Variants in CFAP47 observed in about 807,000 individuals in gnomAD.
CFAP47 encodes cilia- and flagella-associated protein 47.
A neutral mutation model predicts 148.1 loss-of-function variants in CFAP47; 29 were observed. That is an observed-to-expected ratio of 0.20 (90% CI 0.15 to 0.27). CFAP47 has a LOEUF of 0.27. Among genes scored for constraint, CFAP47 ranks in the 10% least tolerant of loss-of-function variants. The pLI is 1.00. For missense variants in CFAP47, 1,872 were observed against 1,697.5 expected (o/e 1.10, Z -1.81); for synonymous variants, 664 against 577.3 (o/e 1.15, Z -2.15).
chrX:35,982,554 T>C (rs1032721123), intron 15 of CFAP47, among the ~76,000 whole-genome samples: 1 of 111,453 alleles, frequency 9.0e-6, no homozygotes, highest in Non-Finnish European at 1.9e-5. Flanking sequence ...TCCATAATGC[T>C]ATTTCTTAGG....
intron 22 of CFAP47, among the ~76,000 whole-genome samples, chrX:36,015,682 C>T (rs1937088912): frequency 9.0e-6 from 1 of 111,258 alleles, no homozygotes; most frequent in Non-Finnish European, 1.9e-5. Flanking sequence ...GATATGGAGG[C>T]TCAATGAAGT....
At chrX:36,223,961 A>G (rs1228011112) in intron 45 of CFAP47, among the ~76,000 whole-genome samples, 2 of 111,382 alleles carry the variant, frequency 1.8e-5, no homozygotes, top group Admixed American at 1.9e-4. Context: ...TACCCATGTA[A>G]AAATTCAATA....
chrX:35,935,834 C>A (rs775727456), intron 2 of CFAP47, among the ~76,000 whole-genome samples: 3 of 111,264 alleles, frequency 2.7e-5, no homozygotes, highest in Non-Finnish European at 5.7e-5. Flanking sequence ...TGTGACACTT[C>A]CTTCCGGACT....
intron 45 of CFAP47, among the ~76,000 whole-genome samples, chrX:36,211,849 G>T (rs367697476): frequency 1.1e-4 from 12 of 111,311 alleles, no homozygotes; most frequent in African/African-American, 3.9e-4. Flanking sequence ...TGTAAGATTT[G>T]TTTTTTAACT....
chrX:36,172,984 A>G (rs1939606923), intron 39 of CFAP47, among the ~76,000 whole-genome samples: 1 of 110,551 alleles, frequency 9.0e-6, no homozygotes, highest in South Asian at 3.9e-4. Flanking sequence ...AGCTCCTGTT[A>G]TTGGTCTATT....
chrX:36,019,078 C>T (rs1252532324), intron 22 of CFAP47, among the ~76,000 whole-genome samples: 2 of 111,460 alleles, frequency 1.8e-5, no homozygotes, highest in Admixed American at 9.5e-5. Context: ...GCTCCTCACA[C>T]GGGGGCACCA....
chrX:36,346,505 T>C (rs1298740888), intron 57 of CFAP47, among the ~76,000 whole-genome samples: 1 of 111,949 alleles, frequency 8.9e-6, no homozygotes, highest in East Asian at 2.8e-4. Flanking sequence ...CAGATAAGCT[T>C]TGGCTTTCCT....
chrX:36,175,104 G>C (rs1460538000), intron 39 of CFAP47, among the ~76,000 whole-genome samples: 4 of 111,513 alleles, frequency 3.6e-5, no homozygotes, highest in African/African-American at 1.3e-4. Context: ...GGCTCCTGAG[G>C]CTTCTGCATT....
intron 60 of CFAP47, among the ~76,000 whole-genome samples, chrX:36,357,599 T>C (rs1249155205): frequency 8.9e-6 from 1 of 112,337 alleles, no homozygotes; most frequent in East Asian, 2.8e-4. Flanking sequence ...GATAAATCTA[T>C]GCACCTGTAC....
intron 20 of CFAP47, 130 bp from the exon 21 acceptor site, chrX:36,001,483 C>T (rs996013848): frequency 7.3e-5 from 19 of 259,436 alleles, no homozygotes; most frequent in Non-Finnish European, 1.3e-4. Context: ...GTATAGATAT[C>T]AATTTTGCTA....
intron 48 of CFAP47, among the ~76,000 whole-genome samples, chrX:36,241,146 C>G (rs1555995948): frequency 8.9e-6 from 1 of 111,836 alleles, no homozygotes; most frequent in Non-Finnish European, 1.9e-5. Context: ...AACTAAGGTA[C>G]AGCTTATTCT....
intron 50 of CFAP47, among the ~76,000 whole-genome samples, chrX:36,283,568 A>T (rs934204781): frequency 6.3e-5 from 7 of 111,655 alleles, no homozygotes; most frequent in Non-Finnish European, 1.1e-4. Context: ...GAATCCATGG[A>T]CTCTGAATAA....
At chrX:36,229,387 A>T (rs1940310660) in intron 46 of CFAP47, among the ~76,000 whole-genome samples, 1 of 111,679 alleles carries the variant, frequency 9.0e-6, no homozygotes, top group Admixed American at 9.5e-5. Flanking sequence ...TGTGAGCAAC[A>T]TACCAGGTAG....
At position 36,197,330 on chromosome X, in the gene CFAP47, T is replaced by A. The variant is rs1288014369; in HGVS notation, c.6322-3049T>A. On this transcript the variant is annotated intron_variant, in intron 42 of 63. Transcript: ENST00000378653. ...TAAATTGACTCCCATAGGTTGGTAT[T>A]CATTTTCACATGGTAGACAAGCCCT... is the stretch of plus-strand genomic sequence containing the variant. Among the ~76,000 whole-genome samples, 4 of 112,217 alleles carry A rather than the reference T, an allele frequency of 3.6e-5. No homozygotes were observed. In the East Asian group the frequency reaches 1.1e-3, roughly 31 times the overall value.
intron 51 of CFAP47, among the ~76,000 whole-genome samples, chrX:36,290,219 A>G (rs1398991382): frequency 1.8e-5 from 2 of 112,101 alleles, no homozygotes; most frequent in Non-Finnish European, 3.8e-5. Flanking sequence ...AATTTTCAAC[A>G]AACAAAGCTT....
chrX:36,171,663 GT>G (rs1438498043), intron 39 of CFAP47, among the ~76,000 whole-genome samples: 1 of 111,485 alleles, frequency 9.0e-6, no homozygotes, highest in Non-Finnish European at 1.9e-5. Context: ...CTATATCTCT[GT>G]TTTGGTACCA....
intron 44 of CFAP47, among the ~76,000 whole-genome samples, chrX:36,202,979 C>G (rs1555988268): frequency 9.0e-6 from 1 of 111,065 alleles, no homozygotes; most frequent in Non-Finnish European, 1.9e-5. Context: ...GATTTATCTT[C>G]ATTTATATAT....
chrX:36,064,017 C>A (rs995604190), intron 26 of CFAP47, among the ~76,000 whole-genome samples: 2 of 112,026 alleles, frequency 1.8e-5, no homozygotes, highest in Admixed American at 9.5e-5. Flanking sequence ...GGCAGAGCAT[C>A]CACAGAATTT....
intron 48 of CFAP47, among the ~76,000 whole-genome samples, chrX:36,247,498 A>T (rs1302601539): frequency 2.7e-5 from 3 of 111,424 alleles, no homozygotes; most frequent in African/African-American, 9.8e-5. Flanking sequence ...ATGTGTAAAG[A>T]TGTAATTGGT....
Sources: gnomAD v4.1 joint callset for allele counts (sites outside exome capture counted in the v4.1 genomes callset) on GRCh38, gnomAD v4.1.1 for gene constraint, MANE v1.5 for transcripts, NCBI Gene and HGNC (gene_info 2026-07-23, HGNC 2026-07-21) for gene names.